The following ACADM variants were observed in gnomAD, a reference collection of about 807,000 sequenced individuals.
The protein encoded by ACADM is medium-chain specific acyl-CoA dehydrogenase, mitochondrial.
A neutral mutation model predicts 58.9 loss-of-function variants in ACADM; 49 were observed. The observed-to-expected ratio is 0.83, with a 90% CI of 0.66 to 1.06. The LOEUF is 1.06. Ranked by LOEUF, ACADM falls within the 50% of genes least tolerant of loss-of-function variation. The pLI is 0.00. For synonymous variants in ACADM, 160 were observed against 157.7 expected (o/e 1.01, Z -0.11); for missense variants, 496 against 507.0 (o/e 0.98, Z 0.21).
chr1:75,754,209 G>GA (rs1648368656), intron 10 of ACADM, among the ~76,000 whole-genome samples: 1 of 114,984 alleles, frequency 8.7e-6, no homozygotes, highest in South Asian at 3.0e-4. Flanking sequence ...TCAGTTTTTT[G>GA]TTTTTTTTTT....
rs756642755 is a variant in ACADM at position 75,749,559 on chromosome 1, A to G, written c.849A>G (p.Val283=). The change falls in exon 9 of 12, where the codon GTA becomes GTG. Residue 283 remains valine (V), a splice_region_variant and synonymous_variant. Coordinates refer to ENST00000370841, the MANE Select transcript of ACADM (RefSeq NM_000016.6). ...GAGCTTTTGATAAAACCAGACCTGT[A>G]GTAAGTAATATGGGTTCATAATCTT... The part of the protein sequence containing the change: ...AMGAFDKTRP[V]VAAGAVGLAQ... 1.9e-6 allele frequency: 3 copies of G among 1,613,502 alleles called. No individual in the cohort carries two copies. The highest frequency in any genetic ancestry group is 2.5e-6 in the Non-Finnish European group (3 of 1,179,456).
chr1:75,728,568 ATAAACT>A, intron 2 of ACADM, 80 bp downstream of exon 2: 1 of 1,058,320 alleles, frequency 9.4e-7, no homozygotes, highest in Non-Finnish European at 1.5e-6. Flanking sequence ...ATGTTTGTAA[ATAAACT>A]TAATAATGTC....
chr1:75,728,172 A>G (rs887930383), intron 1 of ACADM, among the ~76,000 whole-genome samples: 2 of 152,124 alleles, frequency 1.3e-5, no homozygotes, highest in Non-Finnish European at 2.9e-5. Flanking sequence ...TATAAATACC[A>G]CTGACTTTAT....
In ACADM at chr1:75,740,123, A is replaced by G; in HGVS notation, c.599+13A>G. ...GAAAAGCTAATTGGTATGTTGTTCAAAACATCTTTGTATATTTTTTCTTAA... is the reference window on the plus strand; with the variant it reads ...GAAAAGCTAATTGGTATGTTGTTCAGAACATCTTTGTATATTTTTTCTTAA... On this transcript the variant is annotated intron_variant, in intron 7 of 11. Coordinates refer to ENST00000370841, the MANE Select transcript of ACADM (RefSeq NM_000016.6). 6.2e-7 allele frequency: 1 copy of G among 1,605,366 alleles called. No individual in the cohort carries two copies. The highest frequency in any genetic ancestry group is 8.5e-7 in the Non-Finnish European group (1 of 1,173,784).
Position 75,749,444 on chromosome 1 carries a change from C to T in ACADM, c.734C>T (p.Ser245Leu), listed in dbSNP as rs121434281. 23 of 1,613,850 alleles carry T rather than the reference C, an allele frequency of 1.4e-5. No homozygotes were observed. The highest frequency in any genetic ancestry group is 1.9e-5 in the Non-Finnish European group (22 of 1,179,948). Residue 245 changes from serine to leucine, a missense_variant, in exon 9 of 12, where the codon TCA becomes TTA. Transcript: ENST00000370841. ...RKELNMGQRCSDTRGIVFEDV... is the reference protein window; with the variant it reads ...RKELNMGQRCLDTRGIVFEDV... Reference sequence around the variant, plus strand: ...GAATTAAACATGGGCCAGCGATGTTCAGATACTAGAGGAATTGTCTTCGAA... The same window carrying T: ...GAATTAAACATGGGCCAGCGATGTTTAGATACTAGAGGAATTGTCTTCGAA...
intron 1 of ACADM, among the ~76,000 whole-genome samples, chr1:75,726,166 G>A (rs1647052325): frequency 6.6e-6 from 1 of 152,168 alleles, no homozygotes; most frequent in Non-Finnish European, 1.5e-5. Flanking sequence ...CTAGCACCTT[G>A]GGAGGCCTCG....
intron 2 of ACADM, among the ~76,000 whole-genome samples, chr1:75,731,529 C>G (rs1647150107): frequency 6.6e-6 from 1 of 152,072 alleles, no homozygotes; most frequent in Admixed American, 6.6e-5. Context: ...TGAAAAGATG[C>G]AGTTAGCAAT....
At chr1:75,732,393 C>T (rs984816739) in intron 2 of ACADM, 1 of 447,610 alleles carries the variant, frequency 2.2e-6, no homozygotes, top group Non-Finnish European at 4.0e-6. Flanking sequence ...CACTTGAGCT[C>T]TACAGGTTAA....
At chr1:75,736,173 T>TACAAACAC (rs1553123386) in intron 6 of ACADM, among the ~76,000 whole-genome samples, 1 of 144,444 alleles carries the variant, frequency 6.9e-6, no homozygotes, top group Non-Finnish European at 1.5e-5. Context: ...CACACAGACA[T>TACAAACAC]ACACACACAC....
Position 75,724,827 on chromosome 1 carries a change from A to G in ACADM, c.30+10A>G, listed in dbSNP as rs759413479. Reference sequence around the variant, plus strand: ...CGGGCGATGCTGCAGGGTGAGAGGGAGCCCAGCGGTGCGGTGGGGCTGGAA... The same window carrying G: ...CGGGCGATGCTGCAGGGTGAGAGGGGGCCCAGCGGTGCGGTGGGGCTGGAA... On this transcript the variant is annotated intron_variant, in intron 1 of 11. Coordinates refer to ENST00000370841, the MANE Select transcript of ACADM (RefSeq NM_000016.6). 2 of 1,481,224 alleles carry G rather than the reference A, an allele frequency of 1.4e-6. No individual in the cohort carries two copies. The highest frequency in any genetic ancestry group is 9.0e-7 in the Non-Finnish European group (1 of 1,111,128). The allele number at this position is 1,481,224 out of a possible 1,614,324, so 91.8% of individuals were successfully genotyped here.
rs374012818 is a variant in ACADM at position 75,748,482 on chromosome 1, C to T, written c.709-937C>T. 1.1e-4 allele frequency among the ~76,000 whole-genome samples: 17 copies of T among 152,060 alleles called. No individual in the cohort carries two copies. The East Asian group carries it at 1.2e-3, about 10-fold the overall frequency. ...GATTGCTAAAAAGGAGGGGAGTATCCGTCAACTAGTGAAAAGATAATGGAT... is the reference window on the plus strand; with the variant it reads ...GATTGCTAAAAAGGAGGGGAGTATCTGTCAACTAGTGAAAAGATAATGGAT... On this transcript the variant is annotated intron_variant, in intron 8 of 11. Transcript: ENST00000370841.
rs757845443 is a variant in ACADM at position 75,724,799 on chromosome 1, G to T, written c.12G>T (p.Gly4=). The T allele has an allele frequency of 5.9e-6, 9 of 1,522,020 alleles. No individual in the cohort carries two copies. The African/African-American group carries it at 8.6e-5, about 14-fold the overall frequency. The allele number at this position is 1,522,020 out of a possible 1,614,324, so 94.3% of individuals were successfully genotyped here. A position where few individuals can be genotyped will look rare whatever the true frequency, so the allele number is the denominator to read the frequency against. The change falls in exon 1 of 12, where the codon GGG becomes GGT. Residue 4 remains glycine (G), a synonymous_variant. Transcript: ENST00000370841. The part of the protein sequence containing the change: MAA[G]FGRCCRVLRS... ...GAACGGGAGCCAACATGGCAGCGGG[G>T]TTCGGGCGATGCTGCAGGGTGAGAG...
intron 7 of ACADM, chr1:75,743,668 G>T: frequency 2.7e-6 from 4 of 1,475,368 alleles, no homozygotes; most frequent in Non-Finnish European, 3.8e-6. Context: ...ATTGCTAATG[G>T]TGAAGGTACC....
rs149380211 is a variant in ACADM at position 75,727,475 on chromosome 1, C to T, written c.31-926C>T. Among the ~76,000 whole-genome samples, 1,028 of 152,278 alleles carry T rather than the reference C, an allele frequency of 6.8e-3. 4 individuals are homozygous for T. Among genetic ancestry groups the T allele is most frequent in the Non-Finnish European group, 9.1e-3 (619 of 68,022 alleles). ...AATTTTGACTGTCCTGAAACCTTTA[C>T]TCAAGAACACCATTGTGGTTCCCAG... On this transcript the variant is annotated intron_variant, in intron 1 of 11. Coordinates refer to ENST00000370841, the MANE Select transcript of ACADM (RefSeq NM_000016.6).
At chr1:75,732,397 A>G (rs561522585) in intron 2 of ACADM, 399 of 456,040 alleles carry the variant, frequency 8.7e-4, no homozygotes, top group Non-Finnish European at 1.4e-3. Flanking sequence ...TGAGCTCTAC[A>G]GGTTAATATC....
chr1:75,745,954 T>G (rs774440165), intron 8 of ACADM, 40 bp downstream of exon 8: 3 of 1,431,660 alleles, frequency 2.1e-6, no homozygotes, highest in Non-Finnish European at 2.9e-6. Flanking sequence ...AAATATTATT[T>G]TAATTATAAA....
At chr1:75,735,000 C>A in intron 6 of ACADM, 129 bp downstream of exon 6, 1 of 751,226 alleles carries the variant, frequency 1.3e-6, no homozygotes, top group South Asian at 1.5e-5. Context: ...CATATTATTA[C>A]AATGATGTGT....
intron 4 of ACADM, 175 bp downstream of exon 4, chr1:75,733,097 T>C: frequency 6.2e-7 from 1 of 1,613,024 alleles, no homozygotes; most frequent in Non-Finnish European, 8.5e-7. Context: ...TATACCTAGA[T>C]GCGTTTTTCC....
chr1:75,760,945 G>A (rs1014388275), intron 10 of ACADM, among the ~76,000 whole-genome samples, 177 bp from the exon 11 acceptor site: 6 of 152,064 alleles, frequency 3.9e-5, no homozygotes, highest in Non-Finnish European at 5.9e-5. Flanking sequence ...AGTGGCTCAC[G>A]CCTGTAATCT....
Sources: gnomAD v4.1 joint callset for allele counts (sites outside exome capture counted in the v4.1 genomes callset) on GRCh38, gnomAD v4.1.1 for gene constraint, MANE v1.5 for transcripts, NCBI Gene and HGNC (gene_info 2026-07-23, HGNC 2026-07-21) for gene names.